Variants in RAB2A observed in about 807,000 individuals in gnomAD.
RAB2A encodes RAB2A, member RAS oncogene family.
RAB2A carries 7 observed loss-of-function variants against 32.5 expected under a neutral mutation model. That is an observed-to-expected ratio of 0.22 (90% CI 0.12 to 0.40). The LOEUF (loss-of-function observed/expected upper bound fraction) is 0.40, where lower values mean the gene tolerates loss of function less well. RAB2A is among the 10% of genes least tolerant of loss of function. The pLI, the probability that RAB2A is intolerant of heterozygous loss-of-function variation, is 1.00. For missense variants in RAB2A, 108 were observed against 260.7 expected (o/e 0.41, Z 4.03); for synonymous variants, 79 against 85.2 (o/e 0.93, Z 0.40).
rs971001359 is a variant in RAB2A at position 60,518,454 on chromosome 8, G to A, written c.46+1201G>A. On this transcript the variant is annotated intron_variant, in intron 1 of 7. Transcript: ENST00000262646. Reference sequence around the variant, plus strand: ...GGGGATCACCTGAGATCAGGAGTTCGAGACCTGCTTGGCCAACGTGGTGAA... The same window carrying A: ...GGGGATCACCTGAGATCAGGAGTTCAAGACCTGCTTGGCCAACGTGGTGAA... Among the ~76,000 whole-genome samples the A allele has an allele frequency of 9.9e-5, 15 of 151,982 alleles. No individual in the cohort carries two copies. The South Asian group carries it at 1.0e-3, about 11-fold the overall frequency.
chr8:60,620,779 T>A lies in RAB2A; in HGVS notation c.*10T>A. ...GGGCGGCTGCTGTTGAGTCTGTTTT[T>A]ACTGTCTAGCTGCCCAACGGGGCCT... On this transcript the variant is annotated 3_prime_UTR_variant, in exon 8 of 8. Coordinates refer to ENST00000262646, the MANE Select transcript of RAB2A (RefSeq NM_002865.3). The A allele has an allele frequency of 6.2e-7, 1 of 1,611,344 alleles. No homozygotes were observed. The highest frequency in any genetic ancestry group is 8.5e-7 in the Non-Finnish European group (1 of 1,178,968).
At chr8:60,580,063 C>T (rs1296015755) in intron 3 of RAB2A, among the ~76,000 whole-genome samples, 1 of 147,818 alleles carries the variant, frequency 6.8e-6, no homozygotes, top group Non-Finnish European at 1.5e-5. Context: ...ATGGCATGAT[C>T]TCGGCTCATT....
chr8:60,547,524 G>A (rs1248975827), intron 1 of RAB2A, among the ~76,000 whole-genome samples: 1 of 151,100 alleles, frequency 6.6e-6, no homozygotes, highest in Non-Finnish European at 1.5e-5. Flanking sequence ...CCGGACGGGG[G>A]GCTGACTCCC....
rs1808073162 is a variant in RAB2A at position 60,564,386 on chromosome 8, T to C, written c.118+5463T>C. Among the ~76,000 whole-genome samples the C allele has an allele frequency of 2.0e-5, 3 of 152,236 alleles. No individual in the cohort carries two copies. In the South Asian group the frequency reaches 6.2e-4, roughly 31 times the overall value. ...TTTTTGCTTTCAGGCATCATTACTT[T>C]TTCCTTTTTTGATGGTTATTTTTAA... On this transcript the variant is annotated intron_variant, in intron 2 of 7. Transcript: ENST00000262646.
At chr8:60,553,482 T>C (rs1436801137) in intron 1 of RAB2A, among the ~76,000 whole-genome samples, 1 of 152,214 alleles carries the variant, frequency 6.6e-6, no homozygotes, top group African/African-American at 2.4e-5. Flanking sequence ...TTCATTTTTA[T>C]TGAAGTATAT....
chr8:60,532,176 C>T (rs1807487368), intron 1 of RAB2A, among the ~76,000 whole-genome samples: 2 of 152,096 alleles, frequency 1.3e-5, no homozygotes, highest in African/African-American at 4.8e-5. Flanking sequence ...CAATTTTGAA[C>T]CCCTTTGGAA....
chr8:60,618,450 GTTC>G, intron 6 of RAB2A, 127 bp from the exon 7 acceptor site: 2 of 333,880 alleles, frequency 6.0e-6, no homozygotes, highest in Non-Finnish European at 9.9e-6. Flanking sequence ...TAATATCTTT[GTTC>G]TTTATTAATA....
chr8:60,551,519 TTAGA>T lies in RAB2A; in HGVS notation c.47-7329_47-7326del, dbSNP rs565018601. Among the ~76,000 whole-genome samples the T allele has an allele frequency of 7.9e-5, 12 of 152,354 alleles. No individual in the cohort carries two copies. The South Asian group carries it at 1.4e-3, about 18-fold the overall frequency. ...TTATTTAATGTTCTCAAGTATCCTA[TTAGA>T]TAGGTGTTATTAACCTACTTCTTAC... is the stretch of plus-strand genomic sequence containing the variant. On this transcript the variant is annotated intron_variant, in intron 1 of 7. Coordinates refer to ENST00000262646, the MANE Select transcript of RAB2A (RefSeq NM_002865.3).
chr8:60,585,881 G>T (rs1803837332), intron 5 of RAB2A, among the ~76,000 whole-genome samples: 1 of 152,268 alleles, frequency 6.6e-6, no homozygotes, highest in Non-Finnish European at 1.5e-5. Flanking sequence ...TATTCCACAG[G>T]ACACAGTCTG....
At chr8:60,568,888 A>G (rs910379712) in intron 2 of RAB2A, among the ~76,000 whole-genome samples, 3 of 152,202 alleles carry the variant, frequency 2.0e-5, no homozygotes, top group Non-Finnish European at 4.4e-5. Flanking sequence ...ATAAAAAAAA[A>G]GGAGAAGGAA....
At chr8:60,598,501 A>G (rs1804068931) in intron 6 of RAB2A, among the ~76,000 whole-genome samples, 1 of 152,118 alleles carries the variant, frequency 6.6e-6, no homozygotes, top group South Asian at 2.1e-4. Context: ...TCAACAAAAT[A>G]CCAGAAAATA....
intron 1 of RAB2A, among the ~76,000 whole-genome samples, chr8:60,530,749 C>T (rs745919940): frequency 3.1e-4 from 47 of 152,056 alleles, no homozygotes; most frequent in Non-Finnish European, 5.9e-4. Context: ...CTATCAAGTA[C>T]CACCCTGGTT....
chr8:60,593,894 A>T (rs370447153), intron 6 of RAB2A, among the ~76,000 whole-genome samples: 16 of 148,796 alleles, frequency 1.1e-4, no homozygotes, highest in Admixed American at 2.0e-4. Context: ...AATGCAAGAT[A>T]AAAAAAAGAA....
At chr8:60,533,126 A>G (rs1807502747) in intron 1 of RAB2A, among the ~76,000 whole-genome samples, 1 of 152,254 alleles carries the variant, frequency 6.6e-6, no homozygotes, top group South Asian at 2.1e-4. Context: ...AGCTGGTTCA[A>G]TATCCACACA....
In RAB2A at chr8:60,577,493, GTACACTA is replaced by G. The variant is rs1317801728; in HGVS notation, c.186+5381_186+5387del. ...TTGACTTTTTCACCACCCTTGCTGT[GTACACTA>G]AGACAGCCTAAAAATCACTTTGATT... On this transcript the variant is annotated intron_variant, in intron 3 of 7. Transcript: ENST00000262646. Among the ~76,000 whole-genome samples, 50 of 152,244 alleles carry G rather than the reference GTACACTA, an allele frequency of 3.3e-4. 1 individual carries two copies. The highest frequency in any genetic ancestry group is 1.2e-3 in the African/African-American group (49 of 41,536).
intron 6 of RAB2A, among the ~76,000 whole-genome samples, chr8:60,596,795 C>T (rs939260865): frequency 1.2e-4 from 19 of 152,086 alleles, no homozygotes; most frequent in Non-Finnish European, 2.6e-4. Context: ...GTGGCAGGCG[C>T]CTGTAGTCCC....
At chr8:60,534,695 G>T (rs565648593) in intron 1 of RAB2A, among the ~76,000 whole-genome samples, 1 of 152,094 alleles carries the variant, frequency 6.6e-6, no homozygotes, top group African/African-American at 2.4e-5. Context: ...GGCAGTAAAG[G>T]GTTTTCATCA....
At chr8:60,577,685 G>A (rs548217782) in intron 3 of RAB2A, among the ~76,000 whole-genome samples, 6 of 151,450 alleles carry the variant, frequency 4.0e-5, no homozygotes, top group East Asian at 1.9e-4. Context: ...GTGCAGTGGC[G>A]TGATCTCGGC....
chr8:60,539,923 C>T (rs1217299796), intron 1 of RAB2A, among the ~76,000 whole-genome samples: 1 of 151,854 alleles, frequency 6.6e-6, no homozygotes, highest in Non-Finnish European at 1.5e-5. Flanking sequence ...AGTATGGACC[C>T]TGTGTCAGGC....
Sources: gnomAD v4.1 joint callset for allele counts (sites outside exome capture counted in the v4.1 genomes callset) on GRCh38, gnomAD v4.1.1 for gene constraint, MANE v1.5 for transcripts, NCBI Gene and HGNC (gene_info 2026-07-23, HGNC 2026-07-21) for gene names.